The following LRP1B variants were observed in gnomAD, a reference collection of about 807,000 sequenced individuals.
LRP1B encodes the protein LDL receptor related protein 1B, also known as low-density lipoprotein receptor-related protein 1B.
A neutral mutation model predicts 556.6 loss-of-function variants in LRP1B; 217 were observed. That is an observed-to-expected ratio of 0.39 (90% CI 0.35 to 0.44). The LOEUF is 0.44. Ranked by LOEUF, LRP1B falls within the 20% of genes least tolerant of loss-of-function variation. LRP1B has a pLI of 1.00. For synonymous variants in LRP1B, 2,047 were observed against 1,865.8 expected (o/e 1.10, Z -2.50); for missense variants, 5,053 against 5,620.8 (o/e 0.90, Z 3.23).
chr2:140,989,459 A>G (rs1426436917), intron 17 of LRP1B, 73 bp downstream of exon 17: 5 of 1,561,002 alleles, frequency 3.2e-6, no homozygotes, highest in African/African-American at 1.4e-5. Context: ...AGCTTAGTTC[A>G]AAGCATTTAC....
chr2:141,036,678 AC>A (rs1407030002), intron 11 of LRP1B, among the ~76,000 whole-genome samples: 1 of 152,046 alleles, frequency 6.6e-6, no homozygotes, highest in African/African-American at 2.4e-5. Flanking sequence ...TGGTCCCACT[AC>A]AAACTTGTTA....
intron 1 of LRP1B, among the ~76,000 whole-genome samples, chr2:141,814,982 A>G (rs564188355): frequency 5.5e-4 from 83 of 152,254 alleles, no homozygotes; most frequent in Non-Finnish European, 9.9e-4. Context: ...GAGATTTACT[A>G]AAGTTATGTG....
chr2:141,020,645 A>G (rs961941790), intron 11 of LRP1B, among the ~76,000 whole-genome samples: 3 of 152,044 alleles, frequency 2.0e-5, no homozygotes, highest in African/African-American at 7.2e-5. Flanking sequence ...AACTGCATCA[A>G]CAGTCAATCT....
intron 3 of LRP1B, among the ~76,000 whole-genome samples, chr2:141,406,467 C>T (rs1195274654): frequency 2.0e-5 from 3 of 151,828 alleles, no homozygotes; most frequent in African/African-American, 7.3e-5. Flanking sequence ...TTAATACTTC[C>T]ATGTAAGAAA....
chr2:140,949,318 A>C (rs552543632), intron 20 of LRP1B, among the ~76,000 whole-genome samples: 1 of 152,294 alleles, frequency 6.6e-6, no homozygotes, highest in Non-Finnish European at 1.5e-5. Flanking sequence ...TGACAGTCTA[A>C]TGATTTTTTT....
chr2:140,966,960 T>A (rs1696244064), intron 18 of LRP1B, among the ~76,000 whole-genome samples: 1 of 152,166 alleles, frequency 6.6e-6, no homozygotes, highest in Non-Finnish European at 1.5e-5. Flanking sequence ...GTAGTATAGT[T>A]TGAAGTCAGG....
At chr2:140,351,782 G>C (rs1177609528) in intron 76 of LRP1B, among the ~76,000 whole-genome samples, 1 of 152,086 alleles carries the variant, frequency 6.6e-6, no homozygotes, top group African/African-American at 2.4e-5. Flanking sequence ...ACCTCATGAG[G>C]TGCCTTTCAG....
chr2:141,948,066 C>A lies in LRP1B; in HGVS notation c.83-137665G>T, dbSNP rs4662312. The stretch of plus-strand genomic sequence containing the variant: ...TAATCCCAGCACTTTGTGAGGCCGC[C>A]GTGGGCAGATTACTTGAGGTCAGGA... On this transcript the variant is annotated intron_variant, in intron 1 of 90. Coordinates refer to ENST00000389484, the MANE Select transcript of LRP1B (RefSeq NM_018557.3). Among the ~76,000 whole-genome samples the A allele has an allele frequency of 4.0e-5, 6 of 151,742 alleles. No individual in the cohort carries two copies. In the East Asian group the frequency reaches 1.2e-3, roughly 30 times the overall value.
At chr2:141,422,061 T>C (rs1387291588) in intron 3 of LRP1B, among the ~76,000 whole-genome samples, 1 of 152,210 alleles carries the variant, frequency 6.6e-6, no homozygotes, top group Non-Finnish European at 1.5e-5. Flanking sequence ...GAAACAGTTT[T>C]TTATGAATGA....
At chr2:141,405,576 G>A (rs1690602878) in intron 3 of LRP1B, among the ~76,000 whole-genome samples, 3 of 152,022 alleles carry the variant, frequency 2.0e-5, no homozygotes, top group Non-Finnish European at 4.4e-5. Flanking sequence ...GTTTGAGGAG[G>A]AGCCAAAATT....
At chr2:141,182,972 T>C (rs1440552719) in intron 7 of LRP1B, among the ~76,000 whole-genome samples, 2 of 151,914 alleles carry the variant, frequency 1.3e-5, no homozygotes, top group African/African-American at 4.8e-5. Flanking sequence ...AAGATGGGTA[T>C]ATTTATGGGG....
intron 31 of LRP1B, among the ~76,000 whole-genome samples, chr2:140,819,083 C>A (rs770887819): frequency 2.0e-4 from 30 of 152,236 alleles, no homozygotes; most frequent in Non-Finnish European, 2.8e-4. Flanking sequence ...TTTCTGGCAG[C>A]CTTGCCCTTG....
At chr2:141,678,550 A>C (rs761877801) in intron 2 of LRP1B, among the ~76,000 whole-genome samples, 17 of 152,162 alleles carry the variant, frequency 1.1e-4, no homozygotes, top group Non-Finnish European at 1.8e-4. Flanking sequence ...TGGTTTTGTC[A>C]ATGCGGATAG....
chr2:140,406,418 A>G (rs1028952095), intron 66 of LRP1B, among the ~76,000 whole-genome samples: 1 of 152,122 alleles, frequency 6.6e-6, no homozygotes, highest in Non-Finnish European at 1.5e-5. Context: ...CTCTTCACCA[A>G]TGATATGATC....
intron 7 of LRP1B, among the ~76,000 whole-genome samples, chr2:141,171,051 T>C (rs1000124308): frequency 2.0e-5 from 3 of 152,138 alleles, no homozygotes; most frequent in African/African-American, 4.8e-5. Context: ...TTTATGTTTA[T>C]GGGAAATTGA....
intron 3 of LRP1B, among the ~76,000 whole-genome samples, chr2:141,456,739 A>C (rs995429038): frequency 6.6e-6 from 1 of 152,206 alleles, no homozygotes; most frequent in Non-Finnish European, 1.5e-5. Flanking sequence ...TTTCTGGTGG[A>C]TGGGAATAAG....
At chr2:141,395,056 T>A (rs1299144950) in intron 3 of LRP1B, among the ~76,000 whole-genome samples, 2 of 152,126 alleles carry the variant, frequency 1.3e-5, no homozygotes, top group African/African-American at 4.8e-5. Context: ...CATGAGATTA[T>A]AACAAAGCTG....
chr2:141,447,259 C>T (rs1261560119), intron 3 of LRP1B, among the ~76,000 whole-genome samples: 1 of 148,288 alleles, frequency 6.7e-6, no homozygotes, highest in Non-Finnish European at 1.5e-5. Flanking sequence ...TTTTCAGCTC[C>T]ATCAGTTCAT....
intron 43 of LRP1B, among the ~76,000 whole-genome samples, chr2:140,563,754 G>A (rs1434367237): frequency 6.6e-6 from 1 of 152,166 alleles, no homozygotes; most frequent in Non-Finnish European, 1.5e-5. Flanking sequence ...ATATTCAGAG[G>A]AGTTTTAAAG....
Sources: allele counts gnomAD v4.1 joint callset (sites outside exome capture counted in the v4.1 genomes callset), GRCh38; gene constraint gnomAD v4.1.1; transcripts MANE v1.5; gene names NCBI Gene and HGNC (gene_info 2026-07-23, HGNC 2026-07-21).